DCC: variants seen among roughly 807,000 people sequenced by gnomAD.
DCC encodes DCC netrin 1 receptor, also known as netrin receptor DCC.
DCC carries 58 observed loss-of-function variants against 172.5 expected under a neutral mutation model. The ratio of observed to expected loss-of-function variants is 0.34; its 90% CI spans 0.27 to 0.42. The LOEUF is 0.42. Ranked by LOEUF, DCC falls within the 10% of genes least tolerant of loss-of-function variation. DCC has a pLI of 1.00. For synonymous variants in DCC, 709 were observed against 644.5 expected (o/e 1.10, Z -1.52); for missense variants, 1,740 against 1,791.0 (o/e 0.97, Z 0.51).
intron 12 of DCC, among the ~76,000 whole-genome samples, chr18:53,273,725 TCTG>T (rs1182036109): frequency 6.8e-6 from 1 of 146,284 alleles, no homozygotes; most frequent in East Asian, 1.9e-4. Context: ...CCTATCTCTT[TCTG>T]CTGCTTTTTT....
chr18:53,055,238 T>G (rs1259592749), intron 5 of DCC, among the ~76,000 whole-genome samples: 1 of 152,192 alleles, frequency 6.6e-6, no homozygotes, highest in South Asian at 2.1e-4. Context: ...CACAATGGGA[T>G]GAATTGCTGT....
chr18:52,618,668 T>C (rs969636384), intron 1 of DCC, among the ~76,000 whole-genome samples: 1 of 152,234 alleles, frequency 6.6e-6, no homozygotes, highest in Non-Finnish European at 1.5e-5. Context: ...TTAGGTTTCA[T>C]ACAGGAATTT....
chr18:53,071,315 C>T (rs1017127616), intron 7 of DCC, among the ~76,000 whole-genome samples: 26 of 152,186 alleles, frequency 1.7e-4, no homozygotes, highest in African/African-American at 6.0e-4. Flanking sequence ...CCAGAAAATG[C>T]TAGGGAAAAA....
At chr18:52,377,771 A>G (rs548894781) in intron 1 of DCC, among the ~76,000 whole-genome samples, 89 of 151,056 alleles carry the variant, frequency 5.9e-4, no homozygotes, top group Admixed American at 1.7e-3. Context: ...CAGTGACACA[A>G]TCTTGGCTCA....
intron 1 of DCC, among the ~76,000 whole-genome samples, chr18:52,351,815 A>G (rs561371918): frequency 5.9e-5 from 9 of 152,290 alleles, no homozygotes; most frequent in African/African-American, 2.2e-4. Flanking sequence ...ATTTCTTAAA[A>G]ACATAAACGA....
At chr18:52,575,480 A>T (rs907510488) in intron 1 of DCC, among the ~76,000 whole-genome samples, 1 of 152,132 alleles carries the variant, frequency 6.6e-6, no homozygotes, top group East Asian at 1.9e-4. Context: ...CCCAATCCTA[A>T]TGTGTTAGTG....
At chr18:53,211,509 G>A (rs1234222847) in intron 11 of DCC, among the ~76,000 whole-genome samples, 4 of 152,158 alleles carry the variant, frequency 2.6e-5, no homozygotes, top group Admixed American at 6.5e-5. Flanking sequence ...AGATCACAAG[G>A]TCAGGAGATC....
intron 24 of DCC, 118 bp from the exon 25 acceptor site, chr18:53,467,775 TA>T (rs1303563690): frequency 3.9e-6 from 3 of 763,424 alleles, no homozygotes; most frequent in African/African-American, 3.4e-5. Context: ...AACAAGAAGG[TA>T]GATACTATCA....
intron 5 of DCC, among the ~76,000 whole-genome samples, chr18:52,948,754 G>T (rs1405497917): frequency 1.3e-5 from 2 of 152,162 alleles, no homozygotes; most frequent in East Asian, 3.9e-4. Context: ...CATTCATGAA[G>T]GGTTGTTTTA....
chr18:52,808,652 G>A (rs1208771091), intron 2 of DCC, among the ~76,000 whole-genome samples: 1 of 152,166 alleles, frequency 6.6e-6, no homozygotes, highest in African/African-American at 2.4e-5. Context: ...CCAAGGGAGT[G>A]TCTCCTGCCA....
At chr18:53,442,926 T>C (rs1347338463) in intron 22 of DCC, among the ~76,000 whole-genome samples, 20 of 152,212 alleles carry the variant, frequency 1.3e-4, no homozygotes, top group Admixed American at 1.3e-3. Flanking sequence ...TGAAGATTTA[T>C]GGAGGTGAGA....
intron 12 of DCC, among the ~76,000 whole-genome samples, chr18:53,291,432 G>A (rs1205177586): frequency 6.6e-6 from 1 of 151,884 alleles, no homozygotes. Context: ...CTTTGACTCA[G>A]GTTGCTTAAA....
intron 8 of DCC, among the ~76,000 whole-genome samples, chr18:53,168,482 A>G (rs1252312162): frequency 6.9e-6 from 1 of 145,112 alleles, no homozygotes; most frequent in Non-Finnish European, 1.5e-5. Flanking sequence ...ACCAAACACC[A>G]CATGTTCTTA....
At chr18:52,814,458 CAA>C (rs1231340645) in intron 2 of DCC, among the ~76,000 whole-genome samples, 1 of 152,132 alleles carries the variant, frequency 6.6e-6, no homozygotes, top group Non-Finnish European at 1.5e-5. Flanking sequence ...TCAGGCAACG[CAA>C]AGAGAGCACC....
chr18:52,868,370 T>C (rs2039263021), intron 2 of DCC, among the ~76,000 whole-genome samples: 1 of 152,190 alleles, frequency 6.6e-6, no homozygotes, highest in Admixed American at 6.5e-5. Context: ...TAGGCTAAGA[T>C]TGCCAAAGTC....
intron 5 of DCC, among the ~76,000 whole-genome samples, chr18:53,013,502 C>T (rs1196397739): frequency 6.6e-6 from 1 of 151,720 alleles, no homozygotes; most frequent in Non-Finnish European, 1.5e-5. Context: ...AATGAGAACA[C>T]ATGGACAAAG....
intron 1 of DCC, among the ~76,000 whole-genome samples, chr18:52,577,900 C>T (rs547221015): frequency 6.6e-6 from 1 of 152,262 alleles, no homozygotes; most frequent in Admixed American, 6.5e-5. Context: ...ATTTAGTGAG[C>T]ATAAGGAACA....
intron 25 of DCC, among the ~76,000 whole-genome samples, chr18:53,472,480 A>C (rs2045709097): frequency 6.6e-6 from 1 of 152,180 alleles, no homozygotes; most frequent in South Asian, 2.1e-4. Flanking sequence ...ATTAATAACT[A>C]AGTTCTATCT....
At chr18:52,478,521 T>G (rs1249929395) in intron 1 of DCC, among the ~76,000 whole-genome samples, 2 of 152,194 alleles carry the variant, frequency 1.3e-5, no homozygotes, top group Non-Finnish European at 2.9e-5. Context: ...GTCATTGCTA[T>G]AAAGAAATAC....
Sources: gnomAD v4.1 joint callset for allele counts (sites outside exome capture counted in the v4.1 genomes callset) on GRCh38, gnomAD v4.1.1 for gene constraint, MANE v1.5 for transcripts, NCBI Gene and HGNC (gene_info 2026-07-23, HGNC 2026-07-21) for gene names.